Variants in CCDC192 observed in about 807,000 individuals in gnomAD.
CCDC192 encodes coiled-coil domain-containing protein 192.
chr5:127,894,147 C>T (rs915684305), intron 6 of CCDC192, among the ~76,000 whole-genome samples: 2 of 150,614 alleles, frequency 1.3e-5, no homozygotes, highest in African/African-American at 4.9e-5. Context: ...CTTAATGACT[C>T]GTGGGCATTC....
At chr5:127,898,702 G>T in intron 6 of CCDC192, among the ~76,000 whole-genome samples, 1 of 152,178 alleles carries the variant, frequency 6.6e-6, no homozygotes, top group Middle Eastern at 3.4e-3. Flanking sequence ...CAGGGAGCCC[G>T]TTCCCATCCC....
chr5:127,719,520 T>TACAC (rs1174084880), intron 2 of CCDC192, among the ~76,000 whole-genome samples: 14 of 112,364 alleles, frequency 1.2e-4, no homozygotes, highest in African/African-American at 5.4e-4. Flanking sequence ...TATATATATA[T>TACAC]ATATACACAC....
At chr5:127,894,412 C>T (rs1380154907) in intron 6 of CCDC192, among the ~76,000 whole-genome samples, 3 of 151,934 alleles carry the variant, frequency 2.0e-5, no homozygotes, top group Non-Finnish European at 2.9e-5. Context: ...AGGATGGTCT[C>T]GATCTCCTGA....
chr5:127,847,922 G>A (rs1750634037), intron 5 of CCDC192, among the ~76,000 whole-genome samples: 1 of 151,900 alleles, frequency 6.6e-6, no homozygotes, highest in African/African-American at 2.4e-5. Flanking sequence ...TCAGCTTCCC[G>A]AACAGTTGGG....
chr5:127,844,569 G>A (rs1357883968), intron 5 of CCDC192, among the ~76,000 whole-genome samples: 3 of 152,154 alleles, frequency 2.0e-5, no homozygotes, highest in Non-Finnish European at 4.4e-5. Context: ...AGGTCACTCT[G>A]AGCGACCCGG....
chr5:127,745,920 C>CA (rs1194782098), intron 2 of CCDC192, among the ~76,000 whole-genome samples: 1 of 152,236 alleles, frequency 6.6e-6, no homozygotes. Flanking sequence ...AACAACTGAA[C>CA]ACATCTAACT....
chr5:127,720,279 G>A (rs771424020), intron 2 of CCDC192, among the ~76,000 whole-genome samples: 36 of 152,128 alleles, frequency 2.4e-4, no homozygotes, highest in Non-Finnish European at 3.2e-4. Context: ...CCAAACAAAG[G>A]GGCTAAAGGC....
At chr5:127,703,099 G>A (rs1251972637), upstream of CCDC192, among the ~76,000 whole-genome samples, 2 of 152,196 alleles carry the variant, frequency 1.3e-5, no homozygotes, top group Admixed American at 6.5e-5. Flanking sequence ...TCAGACAGCA[G>A]TGTGGCTGTT....
chr5:127,714,900 A>G (rs577599122), intron 2 of CCDC192, among the ~76,000 whole-genome samples: 1 of 151,990 alleles, frequency 6.6e-6, no homozygotes, highest in Admixed American at 6.6e-5. Flanking sequence ...TTTAAAAAAT[A>G]TACGTGTTAG....
At chr5:127,878,763 G>A (rs539532389) in intron 6 of CCDC192, among the ~76,000 whole-genome samples, 19 of 151,244 alleles carry the variant, frequency 1.3e-4, no homozygotes, top group African/African-American at 4.4e-4. Flanking sequence ...GTAGCTTGAT[G>A]GGGATGGCAT....
At chr5:127,898,256 C>A (rs1242084346) in intron 6 of CCDC192, among the ~76,000 whole-genome samples, 1 of 152,000 alleles carries the variant, frequency 6.6e-6, no homozygotes, top group African/African-American at 2.4e-5. Flanking sequence ...TTATAGGCAC[C>A]CACCAACACG....
chr5:127,816,223 A>C (rs1202246473), intron 5 of CCDC192, among the ~76,000 whole-genome samples: 1 of 152,180 alleles, frequency 6.6e-6, no homozygotes, highest in Admixed American at 6.5e-5. Context: ...AATTAGCATT[A>C]AACATTACAA....
chr5:127,858,027 A>T (rs919114045), intron 5 of CCDC192, among the ~76,000 whole-genome samples: 12 of 152,224 alleles, frequency 7.9e-5, no homozygotes, highest in Non-Finnish European at 1.8e-4. Context: ...CCATTTGCTT[A>T]TATGTATAAT....
chr5:127,914,429 T>C (rs1753459891), intron 6 of CCDC192, among the ~76,000 whole-genome samples: 1 of 152,218 alleles, frequency 6.6e-6, no homozygotes. Context: ...TACACCAATG[T>C]ATAAATACTA....
At chr5:127,721,418 T>C (rs1419186508) in intron 2 of CCDC192, among the ~76,000 whole-genome samples, 2 of 152,152 alleles carry the variant, frequency 1.3e-5, no homozygotes, top group Non-Finnish European at 2.9e-5. Flanking sequence ...CTCAATAAGT[T>C]CCTTATCTCC....
chr5:127,704,496 TAA>T (rs1750849063), intron 1 of CCDC192, among the ~76,000 whole-genome samples: 1 of 152,178 alleles, frequency 6.6e-6, no homozygotes, highest in South Asian at 2.1e-4. Context: ...CCTGCTTCGT[TAA>T]GTTTTAAAAT....
intron 3 of CCDC192, among the ~76,000 whole-genome samples, chr5:127,789,891 A>G (rs940865874): frequency 6.6e-6 from 1 of 152,200 alleles, no homozygotes; most frequent in Non-Finnish European, 1.5e-5. Context: ...GAGCCATGAG[A>G]GCACAACCCT....
At position 127,934,168 on chromosome 5, in the gene CCDC192, T is replaced by C. The variant is rs1382969405; in HGVS notation, c.536-7014T>C. Among the ~76,000 whole-genome samples the C allele has an allele frequency of 3.6e-5, 5 of 139,222 alleles. No individual in the cohort carries two copies. The Admixed American group carries it at 3.7e-4, about 10-fold the overall frequency. 91.3% of individuals were successfully genotyped at this position (139,222 alleles called of 152,430 possible). A position where few individuals can be genotyped will look rare whatever the true frequency, so the allele number is the denominator to read the frequency against. ...CATTCAGGCTGCAGCCCTTCCATCATGATCTCAACTAAGTATTTGTTCCCT... is the reference window on the plus strand; with the variant it reads ...CATTCAGGCTGCAGCCCTTCCATCACGATCTCAACTAAGTATTTGTTCCCT... On this transcript the variant is annotated intron_variant, in intron 6 of 6. Transcript: ENST00000514853.
intron 1 of CCDC192, among the ~76,000 whole-genome samples, chr5:127,704,675 G>T (rs532360342): frequency 6.6e-6 from 1 of 152,152 alleles, no homozygotes; most frequent in East Asian, 1.9e-4. Flanking sequence ...ATCTATGGGA[G>T]GGAGTAAGGC....
Sources: gnomAD v4.1 joint callset for allele counts (sites outside exome capture counted in the v4.1 genomes callset) on GRCh38, gnomAD v4.1.1 for gene constraint, MANE v1.5 for transcripts, NCBI Gene and HGNC (gene_info 2026-07-23, HGNC 2026-07-21) for gene names.